Variants in SPIN1 observed in about 807,000 individuals in gnomAD.
SPIN1 encodes the protein spindlin 1.
In SPIN1, 3 loss-of-function variants were observed where a neutral mutation model predicts 26.0. The observed-to-expected ratio is 0.12, with a 90% CI of 0.05 to 0.30. SPIN1 has a LOEUF of 0.30. Among genes scored for constraint, SPIN1 ranks in the 10% least tolerant of loss-of-function variants. The pLI is 1.00. For missense variants in SPIN1, 126 were observed against 333.4 expected (o/e 0.38, Z 4.84); for synonymous variants, 101 against 116.5 (o/e 0.87, Z 0.86).
chr9:88,469,398 CAG>C (rs1335126905), intron 5 of SPIN1, among the ~76,000 whole-genome samples: 1 of 152,208 alleles, frequency 6.6e-6, no homozygotes, highest in Non-Finnish European at 1.5e-5. Context: ...AAGTGGAGTA[CAG>C]AGTCAGTGTT....
At chr9:88,405,682 T>A (rs1012620480) in intron 1 of SPIN1, among the ~76,000 whole-genome samples, 5 of 151,828 alleles carry the variant, frequency 3.3e-5, no homozygotes, top group African/African-American at 1.2e-4. Flanking sequence ...TAGCTGGGAT[T>A]ACAAGTGTGA....
chr9:88,467,040 ATTGT>A (rs140242427), intron 4 of SPIN1, among the ~76,000 whole-genome samples: 3,794 of 151,914 alleles, frequency 0.025, 124 homozygotes, highest in African/African-American at 0.076. Flanking sequence ...CTTGTCTCTA[ATTGT>A]TTGTTTGTTT....
At chr9:88,409,070 A>G (rs894279124) in intron 1 of SPIN1, among the ~76,000 whole-genome samples, 5 of 150,942 alleles carry the variant, frequency 3.3e-5, no homozygotes, top group African/African-American at 1.2e-4. Context: ...ATCTCGGCTC[A>G]TCGCAACCTC....
chr9:88,462,606 A>G lies in SPIN1; in HGVS notation c.212A>G (p.Gln71Arg). ...GWKEGNGPVT[Q>R]WKGTVLDQVP... Reference sequence around the variant, plus strand: ...AAAGAGGGGAATGGCCCTGTTACCCAGTGGAAAGGAACCGTTCTGGACCAG... The same window carrying G: ...AAAGAGGGGAATGGCCCTGTTACCCGGTGGAAAGGAACCGTTCTGGACCAG... Residue 71 changes from glutamine to arginine, a missense_variant, in exon 4 of 6, where the codon CAG becomes CGG. Gln to Arg is a conservative substitution (Grantham distance 43). This residue lies in a region of SPIN1 where 63 missense variants were observed against 101.3 expected (regional missense o/e 0.62). Coordinates refer to ENST00000375859, the MANE Select transcript of SPIN1 (RefSeq NM_006717.3). 6.2e-7 allele frequency: 1 copy of G among 1,614,148 alleles called. No homozygotes were observed.
chr9:88,450,399 A>AT (rs1413043784), intron 3 of SPIN1, among the ~76,000 whole-genome samples: 3 of 152,044 alleles, frequency 2.0e-5, no homozygotes, highest in Non-Finnish European at 2.9e-5. Context: ...CGTTCTAATC[A>AT]TTTTTCCGTA....
chr9:88,474,759 C>T (rs540654196), intron 5 of SPIN1, among the ~76,000 whole-genome samples: 12 of 152,138 alleles, frequency 7.9e-5, no homozygotes, highest in Admixed American at 2.0e-4. Flanking sequence ...AGATGGAGGT[C>T]GGCAAACTAT....
In SPIN1 at chr9:88,476,086, G is replaced by C. The variant is rs190295542; in HGVS notation, c.*809G>C. 1 of 151,698 alleles carries C rather than the reference G, an allele frequency of 6.6e-6. No homozygotes were observed. The highest frequency in any genetic ancestry group is 1.5e-5 in the Non-Finnish European group (1 of 67,950). The allele number at this position is 151,698 out of a possible 1,614,324, so 9.4% of individuals were successfully genotyped here. On this transcript the variant is annotated 3_prime_UTR_variant, in exon 6 of 6. Transcript: ENST00000375859. ...AATTCTAAGCTTCATTTTTTTTTGGGGGGGGGTTACATTTTAATCATAAAT... is the reference window on the plus strand; with the variant it reads ...AATTCTAAGCTTCATTTTTTTTTGGCGGGGGGTTACATTTTAATCATAAAT...
At chr9:88,473,865 ATGATGATAC>A (rs2118238959) in intron 5 of SPIN1, among the ~76,000 whole-genome samples, 2 of 152,194 alleles carry the variant, frequency 1.3e-5, no homozygotes, top group African/African-American at 4.8e-5. Context: ...ATATGGCAGT[ATGATGATAC>A]TGCTTAAGGG....
At chr9:88,394,440 G>A (rs571699104) in intron 1 of SPIN1, among the ~76,000 whole-genome samples, 113 of 152,256 alleles carry the variant, frequency 7.4e-4, no homozygotes, top group Non-Finnish European at 1.2e-3. Context: ...GACAGCCATG[G>A]GAAGCATACA....
At chr9:88,474,828 G>A (rs1279955132) in intron 5 of SPIN1, among the ~76,000 whole-genome samples, 2 of 152,102 alleles carry the variant, frequency 1.3e-5, no homozygotes, top group South Asian at 2.1e-4. Flanking sequence ...ATCATCAGTG[G>A]CTGCTTTTGT....
chr9:88,463,274 G>A (rs1828606132), intron 4 of SPIN1, among the ~76,000 whole-genome samples: 1 of 152,184 alleles, frequency 6.6e-6, no homozygotes, highest in Non-Finnish European at 1.5e-5. Flanking sequence ...ATGTCATACA[G>A]TGCCAGTTTT....
chr9:88,456,511 T>G (rs1828475484), intron 3 of SPIN1, among the ~76,000 whole-genome samples: 1 of 152,164 alleles, frequency 6.6e-6, no homozygotes, highest in Non-Finnish European at 1.5e-5. Context: ...AGAAAATTGA[T>G]TGTACAGAAT....
intron 1 of SPIN1, among the ~76,000 whole-genome samples, chr9:88,410,178 T>C (rs1327895397): frequency 7.0e-6 from 1 of 141,950 alleles, no homozygotes; most frequent in East Asian, 1.9e-4. Context: ...TGTGTGTGTG[T>C]GTGTGTGTGT....
chr9:88,439,659 C>T (rs1296487287), intron 2 of SPIN1, among the ~76,000 whole-genome samples: 1 of 152,124 alleles, frequency 6.6e-6, no homozygotes, highest in African/African-American at 2.4e-5. Context: ...TTTTGATGCT[C>T]CATTTTTAGG....
In SPIN1 at chr9:88,472,239, A is replaced by G. The variant is rs1042088171; in HGVS notation, c.590-2839A>G. Among the ~76,000 whole-genome samples, 3 of 152,184 alleles carry G rather than the reference A, an allele frequency of 2.0e-5. 1 individual carries two copies. Among genetic ancestry groups the G allele is most frequent in the East Asian group, 3.9e-4 (2 of 5,178 alleles). Reference sequence around the variant, plus strand: ...TGTTGAATTTGTAGATCAGTTTTGAAGAGTATTGCCCTCTTAACAATGTTA... The same window carrying G: ...TGTTGAATTTGTAGATCAGTTTTGAGGAGTATTGCCCTCTTAACAATGTTA... On this transcript the variant is annotated intron_variant, in intron 5 of 5. Coordinates refer to ENST00000375859, the MANE Select transcript of SPIN1 (RefSeq NM_006717.3).
intron 1 of SPIN1, among the ~76,000 whole-genome samples, chr9:88,416,243 G>A (rs1827561776): frequency 6.6e-6 from 1 of 152,286 alleles, no homozygotes; most frequent in Middle Eastern, 3.4e-3. Flanking sequence ...TTCAGGAATT[G>A]CAGATATTTT....
intron 1 of SPIN1, among the ~76,000 whole-genome samples, chr9:88,394,835 A>G (rs1445383113): frequency 2.1e-5 from 3 of 139,720 alleles, no homozygotes; most frequent in South Asian, 2.3e-4. Flanking sequence ...TTTGAGACAG[A>G]GTCTCGCTCT....
chr9:88,390,445 C>T (rs899023539), intron 1 of SPIN1, among the ~76,000 whole-genome samples: 1 of 152,206 alleles, frequency 6.6e-6, no homozygotes, highest in African/African-American at 2.4e-5. Flanking sequence ...GTTTTCACTT[C>T]CAGTGACTTA....
At chr9:88,471,654 CAAAAAAAAAAAA>C (rs1166469042) in intron 5 of SPIN1, among the ~76,000 whole-genome samples, 3 of 59,748 alleles carry the variant, frequency 5.0e-5, no homozygotes, top group Non-Finnish European at 8.5e-5. Flanking sequence ...GACTCTGTCT[CAAAAAAAAAAAA>C]AAAAAAAAAA....
Sources: allele counts gnomAD v4.1 joint callset (sites outside exome capture counted in the v4.1 genomes callset), GRCh38; gene constraint gnomAD v4.1.1; regional missense constraint gnomAD v4.1.1; transcripts MANE v1.5; gene names NCBI Gene and HGNC (gene_info 2026-07-23, HGNC 2026-07-21).